Variants in PIK3C2B observed in about 807,000 individuals in gnomAD.
The protein encoded by PIK3C2B is phosphatidylinositol-4-phosphate 3-kinase catalytic subunit type 2 beta, also known as phosphatidylinositol 4-phosphate 3-kinase C2 domain-containing subunit beta.
PIK3C2B carries 83 observed loss-of-function variants against 184.3 expected under a neutral mutation model. The observed-to-expected ratio is 0.45, with a 90% confidence interval of 0.38 to 0.54. PIK3C2B has a LOEUF of 0.54. PIK3C2B is among the 20% of genes least tolerant of loss of function. The pLI is 0.00. For missense variants in PIK3C2B, 1,736 were observed against 2,113.5 expected (o/e 0.82, Z 3.50); for synonymous variants, 779 against 837.6 (o/e 0.93, Z 1.21).
At chr1:204,454,235 C>A (rs971552040) in intron 12 of PIK3C2B, among the ~76,000 whole-genome samples, 1 of 150,156 alleles carries the variant, frequency 6.7e-6, no homozygotes, top group African/African-American at 2.4e-5. Flanking sequence ...GTAATCCCAG[C>A]ACTCTGGGAG....
intron 1 of PIK3C2B, among the ~76,000 whole-genome samples, chr1:204,476,002 A>T (rs1451369933): frequency 6.6e-6 from 1 of 152,126 alleles, no homozygotes; most frequent in African/African-American, 2.4e-5. Flanking sequence ...GACAAACAGC[A>T]TCCCCCACAG....
chr1:204,432,527 T>G, intron 26 of PIK3C2B, 126 bp from the exon 27 acceptor site: 3 of 722,530 alleles, frequency 4.2e-6, no homozygotes, highest in Non-Finnish European at 7.2e-6. Context: ...ACCATTTTCC[T>G]GTGTCATATC....
chr1:204,459,649 G>A (rs61761722), intron 8 of PIK3C2B, among the ~76,000 whole-genome samples: 2,101 of 152,218 alleles, frequency 0.014, 53 homozygotes, highest in East Asian at 0.12. Flanking sequence ...TGCAGTTTCC[G>A]ACCTGCTTCT....
chr1:204,432,379 T>A lies in PIK3C2B; in HGVS notation c.3976A>T (p.Ser1326Cys). 1.2e-6 allele frequency: 2 copies of A among 1,614,124 alleles called. No homozygotes were observed. Among genetic ancestry groups the A allele is most frequent in the African/African-American group, 2.7e-5 (2 of 75,020 alleles). The change falls in exon 27 of 33, where the codon AGT becomes TGT. Residue 1326 changes from serine to cysteine, a missense_variant. This residue lies in a region of PIK3C2B where 119 missense variants were observed against 179.3 expected (regional missense o/e 0.66). Coordinates refer to ENST00000684373, the MANE Select transcript of PIK3C2B (RefSeq NM_001377334.1). The stretch of plus-strand genomic sequence containing the variant: ...AAAAAATTGAGCTTTGTGGCTACAC[T>A]GCCCAGGCTGGACTCAATCAACCTG... The part of the protein sequence containing the change: ...FTRLIESSLG[S>C]VATKLNFFIH...
At chr1:204,481,549 G>A (rs764457279) in intron 1 of PIK3C2B, among the ~76,000 whole-genome samples, 4 of 152,046 alleles carry the variant, frequency 2.6e-5, no homozygotes, top group Non-Finnish European at 5.9e-5. Flanking sequence ...GAGCCACCAC[G>A]CCGAGGTCAC....
intron 23 of PIK3C2B, among the ~76,000 whole-genome samples, chr1:204,436,466 G>C (rs181651966): frequency 6.6e-6 from 1 of 152,230 alleles, no homozygotes; most frequent in Non-Finnish European, 1.5e-5. Flanking sequence ...GGAGGTGGAG[G>C]TTGCAGTGAT....
At chr1:204,476,853 C>A (rs867922258) in intron 1 of PIK3C2B, among the ~76,000 whole-genome samples, 1 of 152,240 alleles carries the variant, frequency 6.6e-6, no homozygotes, top group African/African-American at 2.4e-5. Context: ...GTGGTTCAGG[C>A]TGCGTTCTCT....
At chr1:204,477,967 C>T (rs920796983) in intron 1 of PIK3C2B, among the ~76,000 whole-genome samples, 5 of 152,188 alleles carry the variant, frequency 3.3e-5, no homozygotes, top group African/African-American at 1.2e-4. Flanking sequence ...TACTGCATGT[C>T]TTGGACCATC....
chr1:204,456,229 T>G, intron 10 of PIK3C2B, 178 bp from the exon 11 acceptor site: 1 of 480,068 alleles, frequency 2.1e-6, no homozygotes, highest in South Asian at 4.6e-5. Flanking sequence ...AGCAGAAGCA[T>G]GTCATGAGCT....
chr1:204,427,432 G>T (rs942937277), intron 31 of PIK3C2B, among the ~76,000 whole-genome samples: 1 of 152,136 alleles, frequency 6.6e-6, no homozygotes, highest in African/African-American at 2.4e-5. Flanking sequence ...ATGAGGCTCA[G>T]AATGATTAGG....
intron 1 of PIK3C2B, among the ~76,000 whole-genome samples, chr1:204,486,437 A>C (rs79230629): frequency 2.7e-5 from 4 of 150,124 alleles, no homozygotes; most frequent in African/African-American, 7.4e-5. Context: ...CAAAAAAAAA[A>C]CGAATAAAGA....
At chr1:204,449,731 G>A in intron 13 of PIK3C2B, 119 bp downstream of exon 13, 1 of 899,430 alleles carries the variant, frequency 1.1e-6, no homozygotes, top group Non-Finnish European at 1.7e-6. Context: ...GACTTCACCA[G>A]TGAGCCCCAC....
intron 23 of PIK3C2B, among the ~76,000 whole-genome samples, chr1:204,438,114 T>C (rs1022352295): frequency 2.0e-5 from 3 of 152,268 alleles, no homozygotes; most frequent in Admixed American, 6.5e-5. Flanking sequence ...CTGCCCATGC[T>C]GGTTTTCCCT....
chr1:204,458,286 G>A (rs1655033481), intron 8 of PIK3C2B, among the ~76,000 whole-genome samples: 1 of 152,012 alleles, frequency 6.6e-6, no homozygotes, highest in Non-Finnish European at 1.5e-5. Context: ...TCCCTCACCT[G>A]TCCAGCTCTG....
chr1:204,434,091 C>T, intron 24 of PIK3C2B, 142 bp from the exon 25 acceptor site: 1 of 672,002 alleles, frequency 1.5e-6, no homozygotes, highest in Non-Finnish European at 2.6e-6. Flanking sequence ...TTCTTTGTTC[C>T]TTTCCTACCT....
intron 12 of PIK3C2B, chr1:204,450,269 G>A (rs1379259434): frequency 3.1e-5 from 13 of 415,874 alleles, no homozygotes; most frequent in Admixed American, 4.0e-5. Context: ...CGAACATCCC[G>A]ATTTTGAAGC....
rs1656116205 is a variant in PIK3C2B, at chr1:204,469,489, T to C, written c.314A>G (p.His105Arg). 2 of 1,606,194 alleles carry C rather than the reference T, an allele frequency of 1.2e-6. No individual in the cohort carries two copies. The highest frequency in any genetic ancestry group is 1.1e-5 in the South Asian group (1 of 89,684). ...AGGCTGTGGCCCTTGGGAGGTAGAG[T>C]GGTTGGGCGGCCCTTCCTGTGGGGA... ...SLSPQEGPPN[H>R]STSQGPQPGS... Residue 105 changes from histidine (H) to arginine (R), a missense_variant, in exon 2 of 33, where the codon CAC becomes CGC. Coordinates refer to ENST00000684373, the MANE Select transcript of PIK3C2B (RefSeq NM_001377334.1).
intron 1 of PIK3C2B, among the ~76,000 whole-genome samples, chr1:204,484,225 TA>T (rs1432293948): frequency 6.6e-6 from 1 of 152,212 alleles, no homozygotes; most frequent in Non-Finnish European, 1.5e-5. Flanking sequence ...GGTATTGTCT[TA>T]TTTAGTCCTC....
At chr1:204,485,496 C>G (rs947052251) in intron 1 of PIK3C2B, among the ~76,000 whole-genome samples, 4 of 152,034 alleles carry the variant, frequency 2.6e-5, no homozygotes, top group Non-Finnish European at 4.4e-5. Flanking sequence ...TAGTCTGTCT[C>G]CTTGCTGACC....
Sources: gnomAD v4.1 joint callset for allele counts (sites outside exome capture counted in the v4.1 genomes callset) on GRCh38, gnomAD v4.1.1 for gene constraint, gnomAD v4.1.1 regional missense constraint, MANE v1.5 for transcripts, NCBI Gene and HGNC (gene_info 2026-07-23, HGNC 2026-07-21) for gene names.